The following GRIP1 variants were observed in gnomAD, a reference collection of about 807,000 sequenced individuals.
GRIP1 encodes the protein glutamate receptor interacting protein 1, also known as glutamate receptor-interacting protein 1.
GRIP1 carries 45 observed loss-of-function variants against 129.9 expected under a neutral mutation model. That is an observed-to-expected ratio of 0.35 (90% CI 0.27 to 0.44). The LOEUF is 0.44. Ranked by LOEUF, GRIP1 falls within the 20% of genes least tolerant of loss-of-function variation. The pLI, the probability that GRIP1 is intolerant of heterozygous loss-of-function variation, is 1.00. For missense variants in GRIP1, 1,196 were observed against 1,396.8 expected (o/e 0.86, Z 2.29); for synonymous variants, 530 against 520.8 (o/e 1.02, Z -0.24).
chr12:66,465,954 A>G (rs2059274923), intron 7 of GRIP1, among the ~76,000 whole-genome samples: 1 of 152,176 alleles, frequency 6.6e-6, no homozygotes, highest in Non-Finnish European at 1.5e-5. Context: ...GAATGACAAG[A>G]GGGATGGGAG....
At chr12:67,044,039 C>T (rs1178782349) in intron 1 of GRIP1, among the ~76,000 whole-genome samples, 1 of 151,942 alleles carries the variant, frequency 6.6e-6, no homozygotes, top group Non-Finnish European at 1.5e-5. Context: ...TATAATAGAG[C>T]CATGAGTTTT....
intron 7 of GRIP1, among the ~76,000 whole-genome samples, chr12:66,509,041 A>G (rs148812553): frequency 7.5e-4 from 115 of 152,326 alleles, no homozygotes; most frequent in African/African-American, 2.6e-3. Context: ...CTAACTTAAT[A>G]TATATTCTCA....
At chr12:66,719,198 G>A (rs1365849752) in intron 1 of GRIP1, among the ~76,000 whole-genome samples, 2 of 152,134 alleles carry the variant, frequency 1.3e-5, no homozygotes, top group Non-Finnish European at 2.9e-5. Context: ...TTCTCAACTT[G>A]AAGGCTACAA....
At chr12:66,396,262 T>C (rs2056784764) in intron 16 of GRIP1, among the ~76,000 whole-genome samples, 1 of 152,186 alleles carries the variant, frequency 6.6e-6, no homozygotes, top group Non-Finnish European at 1.5e-5. Flanking sequence ...GCATTTTGGG[T>C]TGGAGCATCT....
At chr12:66,436,549 T>C (rs758426071) in intron 13 of GRIP1, among the ~76,000 whole-genome samples, 69 of 152,202 alleles carry the variant, frequency 4.5e-4, no homozygotes, top group African/African-American at 9.7e-5. Context: ...TAAAATTATA[T>C]GTATGGTAAG....
chr12:66,963,469 C>T (rs932349337), intron 1 of GRIP1, among the ~76,000 whole-genome samples: 3 of 151,832 alleles, frequency 2.0e-5, no homozygotes, highest in East Asian at 1.9e-4. Flanking sequence ...ATAATTGGAC[C>T]CATCTTAGAG....
At chr12:66,586,999 T>G (rs1450359358) in intron 2 of GRIP1, among the ~76,000 whole-genome samples, 1 of 152,190 alleles carries the variant, frequency 6.6e-6, no homozygotes, top group Non-Finnish European at 1.5e-5. Context: ...ACTCTTACCA[T>G]GGCCTAAAAG....
chr12:66,625,726 A>G (rs968022567), intron 1 of GRIP1, among the ~76,000 whole-genome samples: 3 of 152,216 alleles, frequency 2.0e-5, no homozygotes, highest in Admixed American at 1.3e-4. Context: ...GCTTCCAAAA[A>G]GGAATAATTT....
chr12:66,349,278 T>C (rs758388285), intron 24 of GRIP1, 32 bp from the exon 25 acceptor site: 1 of 1,528,954 alleles, frequency 6.5e-7, no homozygotes, highest in African/African-American at 1.4e-5. Context: ...TTTTGAATTA[T>C]CGTTGTAACC....
intron 7 of GRIP1, among the ~76,000 whole-genome samples, chr12:66,494,706 C>T (rs1376511312): frequency 6.6e-6 from 1 of 151,332 alleles, no homozygotes; most frequent in African/African-American, 2.4e-5. Flanking sequence ...GAGTCTGTCT[C>T]TAAAAAAACA....
chr12:66,859,938 T>C (rs978064406), intron 1 of GRIP1, among the ~76,000 whole-genome samples: 1 of 152,056 alleles, frequency 6.6e-6, no homozygotes, highest in African/African-American at 2.4e-5. Context: ...CAGTTTCTCC[T>C]TTCCTAAGAT....
chr12:66,870,761 CTGTT>C (rs988434416), intron 1 of GRIP1, among the ~76,000 whole-genome samples: 6 of 152,062 alleles, frequency 3.9e-5, no homozygotes, highest in African/African-American at 1.2e-4. Context: ...AGGATGTAAA[CTGTT>C]TGTCAATGCT....
intron 1 of GRIP1, among the ~76,000 whole-genome samples, chr12:66,750,289 T>C (rs553131822): frequency 7.2e-5 from 11 of 152,212 alleles, no homozygotes; most frequent in Non-Finnish European, 1.6e-4. Flanking sequence ...GATCCTTTCA[T>C]CATCCCACAG....
At chr12:66,807,590 C>T (rs1000077602), upstream of GRIP1, among the ~76,000 whole-genome samples, 10 of 151,954 alleles carry the variant, frequency 6.6e-5, no homozygotes, top group Non-Finnish European at 1.3e-4. Flanking sequence ...AAGAGAATGG[C>T]GTGAACCTGG....
At chr12:66,425,647 AAAT>A (rs1269470786) in intron 14 of GRIP1, among the ~76,000 whole-genome samples, 2 of 152,212 alleles carry the variant, frequency 1.3e-5, no homozygotes, top group African/African-American at 4.8e-5. Flanking sequence ...CAGCCATAAA[AAAT>A]AATGAGTTCA....
At chr12:67,047,974 T>C (rs1005949372) in intron 1 of GRIP1, among the ~76,000 whole-genome samples, 3 of 152,162 alleles carry the variant, frequency 2.0e-5, no homozygotes, top group Non-Finnish European at 4.4e-5. Context: ...ATGGTTCTAT[T>C]TGTAAGTCTT....
At chr12:67,025,953 T>C (rs558037614) in intron 1 of GRIP1, among the ~76,000 whole-genome samples, 2 of 152,230 alleles carry the variant, frequency 1.3e-5, no homozygotes, top group East Asian at 3.9e-4. Flanking sequence ...GGGCTTTTTT[T>C]CTTCTTCTTC....
intron 1 of GRIP1, among the ~76,000 whole-genome samples, chr12:66,988,447 T>G (rs1286946856): frequency 6.6e-6 from 1 of 152,140 alleles, no homozygotes; most frequent in African/African-American, 2.4e-5. Flanking sequence ...TGGCACAATC[T>G]CGGCTCACTG....
chr12:66,626,914 C>T (rs1565921482), intron 1 of GRIP1: 1 of 152,356 alleles, frequency 6.6e-6, no homozygotes, highest in East Asian at 1.9e-4. Flanking sequence ...CTGACCATCC[C>T]TGCATGGTCC....
Sources: gnomAD v4.1 joint callset for allele counts (sites outside exome capture counted in the v4.1 genomes callset) on GRCh38, gnomAD v4.1.1 for gene constraint, MANE v1.5 for transcripts, NCBI Gene and HGNC (gene_info 2026-07-23, HGNC 2026-07-21) for gene names.